Variants in MAML1 observed in about 807,000 individuals in gnomAD.
MAML1 encodes the protein mastermind-like protein 1.
A neutral mutation model predicts 77.1 loss-of-function variants in MAML1; 14 were observed. The ratio of observed to expected loss-of-function variants is 0.18; its 90% confidence interval spans 0.12 to 0.28. MAML1 has a LOEUF of 0.28. MAML1 is among the 10% of genes least tolerant of loss of function. MAML1 has a pLI of 1.00. For synonymous variants in MAML1, 516 were observed against 551.9 expected, an observed-to-expected ratio of 0.93 and a Z score of 0.91; for missense variants, 1,217 against 1,327.8, an observed-to-expected ratio of 0.92 and a Z score of 1.30.
At chr5:179,760,206 G>T (rs1372130985) in intron 1 of MAML1, among the ~76,000 whole-genome samples, 1 of 152,030 alleles carries the variant, frequency 6.6e-6, no homozygotes, top group Non-Finnish European at 1.5e-5. Context: ...ATCAAGTGCT[G>T]GGCACTGTCG....
intron 1 of MAML1, among the ~76,000 whole-genome samples, chr5:179,736,964 T>TA (rs1562543700): frequency 9.3e-5 from 8 of 86,090 alleles, no homozygotes; most frequent in Non-Finnish European, 1.3e-4. Context: ...CCGTCTCAAA[T>TA]TAAAAAAAAA....
intron 4 of MAML1, among the ~76,000 whole-genome samples, chr5:179,773,297 C>A (rs1208375127): frequency 6.6e-6 from 1 of 152,260 alleles, no homozygotes; most frequent in Non-Finnish European, 1.5e-5. Context: ...CACGGCCAGT[C>A]TCTGAAAGTT....
rs779542411 is a variant in MAML1 at position 179,774,162 on chromosome 5, C to T, written c.2336C>T (p.Ala779Val). 66 of 1,613,454 alleles carry T rather than the reference C, an allele frequency of 4.1e-5. No individual in the cohort carries two copies. The highest frequency in any genetic ancestry group is 5.3e-5 in the Non-Finnish European group (62 of 1,180,028). ...QPPPQATNGH[A>V]HIPRQTNVGQ... Reference sequence around the variant, plus strand: ...CCGCCACAGGCCACCAATGGACATGCCCACATTCCACGGCAGACCAACGTG... The same window carrying T: ...CCGCCACAGGCCACCAATGGACATGTCCACATTCCACGGCAGACCAACGTG... The change falls in exon 5 of 5, where the codon GCC becomes GTC. Residue 779 changes from alanine (A) to valine (V), a missense_variant. By Grantham distance (64) the Ala-to-Val change is moderately conservative. Around this residue, in one of 3 missense-constraint regions of MAML1, gnomAD observed 884 missense variants for 949.3 expected, o/e 0.93. Coordinates refer to ENST00000292599, the MANE Select transcript of MAML1 (RefSeq NM_014757.5).
chr5:179,745,814 C>G (rs191950838), intron 1 of MAML1, among the ~76,000 whole-genome samples: 1 of 129,760 alleles, frequency 7.7e-6, no homozygotes, highest in Non-Finnish European at 1.6e-5. Flanking sequence ...GAGCCGAGAT[C>G]GTGCCACTGC....
chr5:179,743,516 A>T (rs1373904600), intron 1 of MAML1, among the ~76,000 whole-genome samples: 14 of 149,504 alleles, frequency 9.4e-5, no homozygotes, highest in Non-Finnish European at 1.9e-4. Flanking sequence ...ACAGGCGCCC[A>T]CCACCACGCC....
At chr5:179,752,340 A>ATATATATATATAT (rs1413175645) in intron 1 of MAML1, among the ~76,000 whole-genome samples, 32 of 53,478 alleles carry the variant, frequency 6.0e-4, no homozygotes, top group East Asian at 1.6e-3. Flanking sequence ...AAAAAAAAAA[A>ATATATATATATAT]AAAAAAAAAA....
At chr5:179,763,586 A>C (rs1201804893) in intron 1 of MAML1, among the ~76,000 whole-genome samples, 1 of 152,206 alleles carries the variant, frequency 6.6e-6, no homozygotes, top group African/African-American at 2.4e-5. Context: ...TGATGTGGGG[A>C]AAAGAAGAAC....
At chr5:179,756,660 A>G (rs972349948) in intron 1 of MAML1, among the ~76,000 whole-genome samples, 24 of 152,194 alleles carry the variant, frequency 1.6e-4, no homozygotes, top group African/African-American at 5.1e-4. Flanking sequence ...TATGTGTTTT[A>G]TAGCGGTCAC....
chr5:179,771,123 TTTG>T lies in MAML1; in HGVS notation c.1972-18_1972-16del. Reference sequence around the variant, plus strand: ...GGATTTTGTTATATGTTGGTTTTGTTTTGTTGTTCTTGGCATTTTCTAGGAGAA... The same window carrying T: ...GGATTTTGTTATATGTTGGTTTTGTTTTGTTCTTGGCATTTTCTAGGAGAA... On this transcript the variant is annotated intron_variant, in intron 3 of 4. Transcript: ENST00000292599. This position sits in a 1 kb window ranked among gnomAD's most constrained non-coding sequence, Gnocchi z 4.7. The T allele has an allele frequency of 1.3e-6, 2 of 1,597,440 alleles. No homozygotes were observed. Among genetic ancestry groups the T allele is most frequent in the Non-Finnish European group, 1.7e-6 (2 of 1,164,804 alleles).
rs1437621998 is a variant in MAML1, at chr5:179,776,990, A to C, written c.*2113A>C. 2 of 985,054 alleles carry C rather than the reference A, an allele frequency of 2.0e-6. No homozygotes were observed. Among genetic ancestry groups the C allele is most frequent in the African/African-American group, 3.5e-5 (2 of 57,240 alleles). 61.0% of individuals were successfully genotyped at this position (985,054 alleles called of 1,614,324 possible). ...ATACACATTTGCTTTGTGTAAATAA[A>C]TGTTTACAATTTTATATGAAAGATG... On this transcript the variant is annotated 3_prime_UTR_variant, in exon 5 of 5. Transcript: ENST00000292599.
At chr5:179,760,327 T>TG (rs923776538) in intron 1 of MAML1, among the ~76,000 whole-genome samples, 8 of 151,818 alleles carry the variant, frequency 5.3e-5, no homozygotes, top group African/African-American at 1.9e-4. Flanking sequence ...GGGTGGTAGG[T>TG]GATGTGGATG....
chr5:179,745,247 A>G (rs1562551348), intron 1 of MAML1, among the ~76,000 whole-genome samples: 1 of 152,066 alleles, frequency 6.6e-6, no homozygotes. Flanking sequence ...AAAAAAGTAC[A>G]AGTTTATTAG....
chr5:179,749,798 AC>A (rs1178582082), intron 1 of MAML1, among the ~76,000 whole-genome samples: 2 of 152,088 alleles, frequency 1.3e-5, no homozygotes, highest in East Asian at 1.9e-4. Context: ...AGTGCAACCC[AC>A]CGAGAGGTGA....
In MAML1 at chr5:179,769,182, A is replaced by G. The variant is rs980275398; in HGVS notation, c.1971+93A>G. 4.6e-5 allele frequency: 71 copies of G among 1,537,832 alleles called. No homozygotes were observed. The highest frequency in any genetic ancestry group is 6.0e-5 in the Non-Finnish European group (68 of 1,132,562). On this transcript the variant is annotated intron_variant, in intron 3 of 4. Coordinates refer to ENST00000292599, the MANE Select transcript of MAML1 (RefSeq NM_014757.5). The surrounding 1 kb of genome is among the most constrained non-coding windows in gnomAD (Gnocchi z 4.2). ...TCACACCTTCTGCTTGTGCGTGTGGATTTGCGCAGACTTGCGTGCCTGTTG... is the reference window on the plus strand; with the variant it reads ...TCACACCTTCTGCTTGTGCGTGTGGGTTTGCGCAGACTTGCGTGCCTGTTG...
Position 179,769,189 on chromosome 5 carries a change from C to T in MAML1, c.1971+100C>T. 2 of 1,511,778 alleles carry T rather than the reference C, an allele frequency of 1.3e-6. No homozygotes were observed. The highest frequency in any genetic ancestry group is 1.8e-6 in the Non-Finnish European group (2 of 1,113,654). The allele number at this position is 1,511,778 out of a possible 1,614,324, so 93.6% of individuals were successfully genotyped here. On this transcript the variant is annotated intron_variant, in intron 3 of 4. Transcript: ENST00000292599. This position sits in a 1 kb window ranked among gnomAD's most constrained non-coding sequence, Gnocchi z 4.2. ...TTCTGCTTGTGCGTGTGGATTTGCG[C>T]AGACTTGCGTGCCTGTTGTTAGAGT...
chr5:179,750,141 T>C (rs1779458512), intron 1 of MAML1, among the ~76,000 whole-genome samples: 1 of 152,270 alleles, frequency 6.6e-6, no homozygotes, highest in Non-Finnish European at 1.5e-5. Flanking sequence ...ATCTTTGATA[T>C]TCATTTACAT....
At chr5:179,746,012 T>G (rs1581927913) in intron 1 of MAML1, among the ~76,000 whole-genome samples, 1 of 137,102 alleles carries the variant, frequency 7.3e-6, no homozygotes, top group African/African-American at 2.8e-5. Flanking sequence ...CCAGCCTGGG[T>G]GACAGAGCAA....
chr5:179,752,601 T>C (rs1015903473), intron 1 of MAML1, among the ~76,000 whole-genome samples: 1 of 110,778 alleles, frequency 9.0e-6, no homozygotes, highest in Non-Finnish European at 1.8e-5. Flanking sequence ...AGATACTCTT[T>C]TTTTTTTTTT....
At position 179,775,283 on chromosome 5, in the gene MAML1, A is replaced by G; in HGVS notation, c.*406A>G. On this transcript the variant is annotated 3_prime_UTR_variant, in exon 5 of 5. Coordinates refer to ENST00000292599, the MANE Select transcript of MAML1 (RefSeq NM_014757.5). ...AGTGCTGGGGACAAGTTTCTGTTGA[A>G]ACTTTAGATAGCAGAATTATTTGCA... 1.0e-6 allele frequency: 1 copy of G among 997,434 alleles called. No individual in the cohort carries two copies. Among genetic ancestry groups the G allele is most frequent in the Non-Finnish European group, 1.2e-6 (1 of 838,374 alleles). 61.8% of individuals were successfully genotyped at this position (997,434 alleles called of 1,614,324 possible). A position where few individuals can be genotyped will look rare whatever the true frequency, so the allele number is the denominator to read the frequency against.
Sources: gnomAD v4.1 joint callset for allele counts (sites outside exome capture counted in the v4.1 genomes callset) on GRCh38, gnomAD v4.1.1 for gene constraint, gnomAD v4.1.1 regional missense constraint, Gnocchi (gnomAD v3.1) non-coding constraint, MANE v1.5 for transcripts, NCBI Gene and HGNC (gene_info 2026-07-23, HGNC 2026-07-21) for gene names.